Variants in PIGL observed in about 807,000 individuals in gnomAD.
The protein encoded by PIGL is phosphatidylinositol glycan anchor biosynthesis class L.
Under a neutral mutation model 31.1 loss-of-function variants are expected in PIGL, and 22 were observed. That is an observed-to-expected ratio of 0.71 (90% confidence interval 0.51 to 1.01). The LOEUF (loss-of-function observed/expected upper bound fraction) is 1.01. PIGL is among the 50% of genes least tolerant of loss of function. PIGL has a pLI of 0.00. For missense variants in PIGL, 302 were observed against 315.9 expected, an observed-to-expected ratio of 0.96 and a Z score of 0.33; for synonymous variants, 131 against 117.4, an observed-to-expected ratio of 1.12 and a Z score of -0.75.
intron 6 of PIGL, among the ~76,000 whole-genome samples, chr17:16,324,139 T>A (rs1196781054): frequency 6.6e-6 from 1 of 150,444 alleles, no homozygotes; most frequent in Admixed American, 6.6e-5. Flanking sequence ...GATTTTTTTT[T>A]TTTTTAGTAG....
At chr17:16,237,101 CTTTT>C (rs71150281) in intron 2 of PIGL, among the ~76,000 whole-genome samples, 1 of 58,118 alleles carries the variant, frequency 1.7e-5, no homozygotes. Flanking sequence ...CCACACCTGG[CTTTT>C]TTTTTTTTTT....
intron 2 of PIGL, among the ~76,000 whole-genome samples, chr17:16,261,933 G>A (rs2092820866): frequency 6.6e-6 from 1 of 151,190 alleles, no homozygotes; most frequent in Non-Finnish European, 1.5e-5. Flanking sequence ...TATTAAAATT[G>A]CCACTGTGGC....
intron 2 of PIGL, among the ~76,000 whole-genome samples, chr17:16,284,387 A>G (rs189823749): frequency 6.6e-6 from 1 of 152,192 alleles, no homozygotes; most frequent in African/African-American, 2.4e-5. Context: ...TTCATAGTTT[A>G]AAACAAAGAT....
chr17:16,258,568 A>C (rs572828525), intron 2 of PIGL, among the ~76,000 whole-genome samples: 1 of 151,650 alleles, frequency 6.6e-6, no homozygotes, highest in Non-Finnish European at 1.5e-5. Context: ...CAATGGTGCA[A>C]TCTCAGCTCA....
intron 1 of PIGL, among the ~76,000 whole-genome samples, chr17:16,219,678 T>C (rs2092617364): frequency 6.6e-6 from 1 of 152,022 alleles, no homozygotes; most frequent in South Asian, 2.1e-4. Flanking sequence ...AGCAATTCTC[T>C]TACCTCAGCC....
chr17:16,325,656 T>C lies in PIGL; in HGVS notation c.661-144T>C, dbSNP rs1424442996. ...CAGGAGGCCAATCCAGAGAGGTTCG[T>C]GGGTTACAGGAAGAAGACAGATAAG... is the stretch of plus-strand genomic sequence containing the variant. On this transcript the variant is annotated intron_variant, in intron 6 of 6. Transcript: ENST00000225609. 4 of 648,234 alleles carry C rather than the reference T, an allele frequency of 6.2e-6. No individual in the cohort carries two copies. In the East Asian group the frequency reaches 1.1e-4, roughly 18 times the overall value. The allele number at this position is 648,234 out of a possible 1,614,324, so 40.2% of individuals were successfully genotyped here.
At chr17:16,320,245 G>GAGCGAGA (rs2093098276) in intron 6 of PIGL, among the ~76,000 whole-genome samples, 1 of 70,558 alleles carries the variant, frequency 1.4e-5, no homozygotes, top group African/African-American at 4.7e-5. Flanking sequence ...AAGGAAGGAA[G>GAGCGAGA]GAAGGAAAGG....
intron 4 of PIGL, among the ~76,000 whole-genome samples, chr17:16,314,643 T>C (rs943153965): frequency 7.9e-5 from 12 of 152,200 alleles, no homozygotes; most frequent in Non-Finnish European, 1.3e-4. Flanking sequence ...GAGGGGAGGC[T>C]AGACTGTTCT....
Position 16,316,900 on chromosome 17 carries a change from C to T in PIGL, c.526+188C>T, listed in dbSNP as rs984555112. 3 of 1,376,230 alleles carry T rather than the reference C, an allele frequency of 2.2e-6. No individual in the cohort carries two copies. In the African/African-American group the frequency reaches 4.3e-5, roughly 20 times the overall value. 85.3% of individuals were successfully genotyped at this position (1,376,230 alleles called of 1,614,324 possible). ...GTTGTATCTACCAGCAAGTGCCTGC[C>T]TGCAGGGCCACCTCTGGATGAGTGG... On this transcript the variant is annotated intron_variant, in intron 5 of 6. Transcript: ENST00000225609.
chr17:16,234,393 G>A (rs1488640321), intron 2 of PIGL, among the ~76,000 whole-genome samples: 2 of 152,166 alleles, frequency 1.3e-5, no homozygotes, highest in Non-Finnish European at 2.9e-5. Context: ...GTTGCAGTGA[G>A]CTGAGATCAA....
intron 1 of PIGL, among the ~76,000 whole-genome samples, chr17:16,220,302 C>T (rs1389907530): frequency 2.6e-5 from 4 of 151,794 alleles, no homozygotes; most frequent in Non-Finnish European, 4.4e-5. Flanking sequence ...GAGCTGAGAT[C>T]GCGCCACTGC....
In PIGL at chr17:16,290,099, AT is replaced by A. The variant is rs1422286365; in HGVS notation, c.336-9777del. Among the ~76,000 whole-genome samples, 560 of 140,670 alleles carry A rather than the reference AT, an allele frequency of 4.0e-3. 1 individual carries two copies. Among genetic ancestry groups the A allele is most frequent in the Non-Finnish European group, 5.6e-3 (359 of 64,660 alleles). 92.3% of individuals were successfully genotyped at this position (140,670 alleles called of 152,430 possible). ...CCTTCTTTTTTTTCTCTTTTTTTTA[AT>A]TTTTTTTTTTTGAGACGGAGACTTG... On this transcript the variant is annotated intron_variant, in intron 2 of 6. Coordinates refer to ENST00000225609, the MANE Select transcript of PIGL (RefSeq NM_004278.4).
At chr17:16,262,193 A>T (rs2092821977) in intron 2 of PIGL, among the ~76,000 whole-genome samples, 1 of 152,184 alleles carries the variant, frequency 6.6e-6, no homozygotes, top group African/African-American at 2.4e-5. Flanking sequence ...ACTGCACTGC[A>T]GTCTGGGCAA....
rs141477945 is a variant in PIGL at position 16,221,510 on chromosome 17, C to T, written c.235+4049C>T. 8.9e-3 allele frequency among the ~76,000 whole-genome samples: 1,331 copies of T among 149,646 alleles called. 21 individuals carry two copies. The highest frequency in any genetic ancestry group is 0.031 in the African/African-American group (1,263 of 40,494). ...TGTCGCCCGGGCTGGAGTGCAATGG[C>T]GCAATCTTGGGTCACTGCAACCTCT... On this transcript the variant is annotated intron_variant, in intron 1 of 6. Coordinates refer to ENST00000225609, the MANE Select transcript of PIGL (RefSeq NM_004278.4).
chr17:16,245,805 C>CACAT (rs1555851500), intron 2 of PIGL, among the ~76,000 whole-genome samples: 3 of 121,686 alleles, frequency 2.5e-5, no homozygotes, highest in African/African-American at 4.1e-5. Context: ...CACACACACA[C>CACAT]ATATATATAT....
chr17:16,249,493 AC>A, intron 2 of PIGL, among the ~76,000 whole-genome samples: 1 of 152,256 alleles, frequency 6.6e-6, no homozygotes, highest in South Asian at 2.1e-4. Context: ...CAAAAACAAA[AC>A]AAAACAAAAC....
chr17:16,303,427 G>A (rs1287906229), intron 3 of PIGL, among the ~76,000 whole-genome samples: 1 of 152,148 alleles, frequency 6.6e-6, no homozygotes, highest in Non-Finnish European at 1.5e-5. Flanking sequence ...GTGGTGCTGA[G>A]CTGCTCACAC....
At chr17:16,242,859 C>T (rs1205981278) in intron 2 of PIGL, among the ~76,000 whole-genome samples, 1 of 151,870 alleles carries the variant, frequency 6.6e-6, no homozygotes. Flanking sequence ...CACAAATGGT[C>T]CACTTCCCAA....
At chr17:16,253,616 T>A (rs2092781805) in intron 2 of PIGL, among the ~76,000 whole-genome samples, 2 of 152,132 alleles carry the variant, frequency 1.3e-5, no homozygotes, top group East Asian at 3.9e-4. Flanking sequence ...TAGCACCTGT[T>A]TATACACATA....
Sources: allele counts gnomAD v4.1 joint callset (sites outside exome capture counted in the v4.1 genomes callset), GRCh38; gene constraint gnomAD v4.1.1; transcripts MANE v1.5; gene names NCBI Gene and HGNC (gene_info 2026-07-23, HGNC 2026-07-21).